RBFOX3: variants seen among roughly 807,000 people sequenced by gnomAD.
The protein encoded by RBFOX3 is RNA binding fox-1 homolog 3, also known as RNA binding protein fox-1 homolog 3.
RBFOX3 carries 17 observed loss-of-function variants against 48.7 expected under a neutral mutation model. The ratio of observed to expected loss-of-function variants is 0.35; its 90% CI spans 0.24 to 0.52. RBFOX3 has a LOEUF of 0.52. RBFOX3 is among the 20% of genes least tolerant of loss of function. RBFOX3 has a pLI of 0.94. For synonymous variants in RBFOX3, 212 were observed against 209.5 expected (o/e 1.01, Z -0.10); for missense variants, 382 against 497.5 (o/e 0.77, Z 2.21).
intron 2 of RBFOX3, among the ~76,000 whole-genome samples, chr17:79,353,340 G>A (rs1008905940): frequency 4.6e-5 from 7 of 152,106 alleles, no homozygotes; most frequent in African/African-American, 1.7e-4. Context: ...ATCTGTCAAT[G>A]ACTCTGGCCA....
Position 79,214,901 on chromosome 17 carries a change from C to T in RBFOX3, c.-34+20865G>A, listed in dbSNP as rs569381567. Among the ~76,000 whole-genome samples the T allele has an allele frequency of 1.3e-5, 2 of 152,316 alleles. No homozygotes were observed. Among genetic ancestry groups the T allele is most frequent in the South Asian group, 4.1e-4 (2 of 4,828 alleles). The stretch of plus-strand genomic sequence containing the variant: ...AGCTCACCCTGTTTGTTCTTTATTT[C>T]TCTGGCAATTACCGCTAATTTGGAG... On this transcript the variant is annotated intron_variant, in intron 4 of 14. Transcript: ENST00000693108. The surrounding 1 kb of genome is among the most constrained non-coding windows in gnomAD (Gnocchi z 4.7).
intron 2 of RBFOX3, among the ~76,000 whole-genome samples, chr17:79,376,753 G>T (rs2059268486): frequency 6.6e-6 from 1 of 152,156 alleles, no homozygotes; most frequent in Admixed American, 6.5e-5. Flanking sequence ...CAGGTGGGGA[G>T]GCTCGCAGGG....
At chr17:79,156,246 T>C (rs1485692641) in intron 4 of RBFOX3, among the ~76,000 whole-genome samples, 2 of 152,180 alleles carry the variant, frequency 1.3e-5, no homozygotes, top group Admixed American at 6.5e-5. Flanking sequence ...TCCTTCAGCC[T>C]CTGCTGTCCA....
chr17:79,196,198 G>C (rs1228567900), intron 4 of RBFOX3, among the ~76,000 whole-genome samples: 1 of 152,124 alleles, frequency 6.6e-6, no homozygotes, highest in African/African-American at 2.4e-5. Flanking sequence ...CAGCAGAGTG[G>C]AGCTTGGATC....
At chr17:79,105,782 C>T (rs978737296) in intron 6 of RBFOX3, among the ~76,000 whole-genome samples, 14 of 152,086 alleles carry the variant, frequency 9.2e-5, no homozygotes, top group Non-Finnish European at 1.5e-5. Flanking sequence ...GGGTGGGCAC[C>T]GTGGCAGGCA....
At chr17:79,389,972 C>A (rs1368944636) in intron 2 of RBFOX3, among the ~76,000 whole-genome samples, 1 of 139,462 alleles carries the variant, frequency 7.2e-6, no homozygotes, top group Non-Finnish European at 1.6e-5. Context: ...TCTCTGTAGC[C>A]TCCGGGTCTC....
the RBFOX3 span, among the ~76,000 whole-genome samples, chr17:79,620,322 TACAC>T: frequency 6.9e-3 from 868 of 126,500 alleles, 13 homozygotes; most frequent in East Asian, 0.028. Context: ...AATATGTACA[TACAC>T]GCACGCACAC....
chr17:79,643,015 T>A, the RBFOX3 span, among the ~76,000 whole-genome samples: 1 of 152,126 alleles, frequency 6.6e-6, no homozygotes, highest in African/African-American at 2.4e-5. Flanking sequence ...GCTGGGAGGA[T>A]CGCTCAAGCC....
intron 1 of RBFOX3, among the ~76,000 whole-genome samples, chr17:79,571,941 G>A (rs2092693524): frequency 1.3e-5 from 2 of 152,252 alleles, no homozygotes; most frequent in South Asian, 2.1e-4. Context: ...TCTCACTGCC[G>A]ACCCCTCACC....
At position 79,567,075 on chromosome 17, in the gene RBFOX3, GTTCTCC is replaced by G. The variant is rs1392312704; in HGVS notation, c.-320+43745_-320+43750del. On this transcript the variant is annotated intron_variant, in intron 1 of 14. Coordinates refer to ENST00000693108, the MANE Select transcript of RBFOX3 (RefSeq NM_001350451.2). Reference sequence around the variant, plus strand: ...AACTTCCTCCCATCTTCCTCTTCCCGTTCTCCTTCCCAGCCTCAGAATCCTCTCTGC... The same window carrying G: ...AACTTCCTCCCATCTTCCTCTTCCCGTTCCCAGCCTCAGAATCCTCTCTGC... Among the ~76,000 whole-genome samples the G allele has an allele frequency of 2.0e-5, 3 of 150,768 alleles. No individual in the cohort carries two copies. In the East Asian group the frequency reaches 5.8e-4, roughly 29 times the overall value.
chr17:79,100,658 G>T (rs138796528), intron 9 of RBFOX3, among the ~76,000 whole-genome samples: 2 of 152,326 alleles, frequency 1.3e-5, no homozygotes, highest in East Asian at 1.9e-4. Flanking sequence ...GATCCATCCC[G>T]TCTAGGGGCA....
In RBFOX3 at chr17:79,097,699, G is replaced by A; in HGVS notation, c.615C>T (p.Phe205=). The A allele has an allele frequency of 2.0e-6, 3 of 1,486,254 alleles. No individual in the cohort carries two copies. Among genetic ancestry groups the A allele is most frequent in the South Asian group, 1.2e-5 (1 of 83,144 alleles). The allele number at this position is 1,486,254 out of a possible 1,614,324, so 92.1% of individuals were successfully genotyped here. Residue 205 remains phenylalanine (F), a synonymous_variant, in exon 10 of 15, where the codon TTC becomes TTT. Transcript: ENST00000693108. ...CCCCGCCCCAGCTTTTACCTGCATA[G>A]AATTCAGGCCCGTAGACTGCGCCGA... is the stretch of plus-strand genomic sequence containing the variant. ...PVVGAVYGPE[F]YAVTGFPYPT...
intron 3 of RBFOX3, among the ~76,000 whole-genome samples, chr17:79,246,787 C>A (rs536802910): frequency 6.6e-6 from 1 of 152,188 alleles, no homozygotes; most frequent in Non-Finnish European, 1.5e-5. Context: ...GAGGACGCGG[C>A]CTCCCAGCAG....
chr17:79,481,706 G>A lies in RBFOX3; in HGVS notation c.-175+748C>T, dbSNP rs2078805222. Reference sequence around the variant, plus strand: ...GTGCATCCTAACACCATGGGGAATGGGTGTGGATGCTCCGAACTCAACCTG... The same window carrying A: ...GTGCATCCTAACACCATGGGGAATGAGTGTGGATGCTCCGAACTCAACCTG... On this transcript the variant is annotated intron_variant, in intron 2 of 14. Transcript: ENST00000693108. The surrounding 1 kb of genome is among the most constrained non-coding windows in gnomAD (Gnocchi z 5.4). Among the ~76,000 whole-genome samples the A allele has an allele frequency of 6.6e-6, 1 of 152,186 alleles. No homozygotes were observed.
At chr17:79,406,064 C>T (rs1385545071) in intron 2 of RBFOX3, among the ~76,000 whole-genome samples, 1 of 152,206 alleles carries the variant, frequency 6.6e-6, no homozygotes, top group Non-Finnish European at 1.5e-5. Context: ...CCTAATGCCC[C>T]AGGGTTTATT....
chr17:79,143,646 G>A (rs9900428), intron 4 of RBFOX3, among the ~76,000 whole-genome samples: 35,230 of 152,088 alleles, frequency 0.23, 4,573 homozygotes, highest in Non-Finnish European at 0.31. Context: ...CGGCACCAAC[G>A]CCACGTGCAG....
At chr17:79,389,999 CCG>C (rs2061146464) in intron 2 of RBFOX3, among the ~76,000 whole-genome samples, 3 of 113,452 alleles carry the variant, frequency 2.6e-5, no homozygotes, top group East Asian at 2.9e-4. Context: ...CTCCAGGTCT[CCG>C]CAGCCTCCAG....
At chr17:79,530,838 T>C (rs2087636256) in intron 1 of RBFOX3, among the ~76,000 whole-genome samples, 1 of 152,184 alleles carries the variant, frequency 6.6e-6, no homozygotes, top group Non-Finnish European at 1.5e-5. Context: ...AGGCCGTCTA[T>C]ACTGGGAAAG....
In RBFOX3 at chr17:79,456,892, T is replaced by A. The variant is rs142575834; in HGVS notation, c.-175+25562A>T. 3.3e-5 allele frequency among the ~76,000 whole-genome samples: 5 copies of A among 152,324 alleles called. No individual in the cohort carries two copies. In the East Asian group the frequency reaches 7.7e-4, roughly 23 times the overall value. On this transcript the variant is annotated intron_variant, in intron 2 of 14. Transcript: ENST00000693108. ...ACCCACTCAGCACAGGGCTGCCTCC[T>A]CCCATCCTAAATCCCCCAAGTTGTT... is the stretch of plus-strand genomic sequence containing the variant.
Sources: gnomAD v4.1 joint callset for allele counts (sites outside exome capture counted in the v4.1 genomes callset) on GRCh38, gnomAD v4.1.1 for gene constraint, Gnocchi (gnomAD v3.1) non-coding constraint, MANE v1.5 for transcripts, NCBI Gene and HGNC (gene_info 2026-07-23, HGNC 2026-07-21) for gene names.